The following KAZN variants were observed in gnomAD, a reference collection of about 807,000 sequenced individuals.
KAZN encodes kazrin.
In KAZN, 40 loss-of-function variants were observed where a neutral mutation model predicts 87.4. The observed-to-expected ratio is 0.46, with a 90% confidence interval of 0.36 to 0.60. KAZN has a LOEUF of 0.60. Among genes scored for constraint, KAZN ranks in the 20% least tolerant of loss-of-function variants. The probability of loss-of-function intolerance (pLI) is 0.00; values close to 1 mark genes in which losing one functional copy is unlikely to be tolerated. For missense variants in KAZN, 898 were observed against 1,073.9 expected, an observed-to-expected ratio of 0.84 and a Z score of 2.29; for synonymous variants, 466 against 458.3, an observed-to-expected ratio of 1.02 and a Z score of -0.22.
chr1:14,624,723 G>A (rs143989926), intron 1 of KAZN, among the ~76,000 whole-genome samples: 1 of 152,284 alleles, frequency 6.6e-6, no homozygotes, highest in East Asian at 1.9e-4. Flanking sequence ...CTTTCAGTGT[G>A]CCAAGTCATG....
At chr1:14,472,575 A>G (rs1463137980) in intron 2 of KAZN, among the ~76,000 whole-genome samples, 1 of 151,980 alleles carries the variant, frequency 6.6e-6, no homozygotes, top group Non-Finnish European at 1.5e-5. Context: ...GTGTTATTCC[A>G]CACATACCTG....
chr1:14,669,272 G>A (rs1315781405), intron 1 of KAZN, among the ~76,000 whole-genome samples: 1 of 152,148 alleles, frequency 6.6e-6, no homozygotes, highest in Admixed American at 6.5e-5. Flanking sequence ...TTTCCTGTGA[G>A]CTGGCTGAGT....
At chr1:14,357,715 C>A (rs190104605) in intron 2 of KAZN, among the ~76,000 whole-genome samples, 53 of 152,086 alleles carry the variant, frequency 3.5e-4, no homozygotes, top group African/African-American at 1.1e-3. Context: ...GTTTATGTGA[C>A]GGATTACATT....
intron 1 of KAZN, among the ~76,000 whole-genome samples, chr1:14,760,281 T>C (rs1245814743): frequency 3.3e-5 from 5 of 152,226 alleles, no homozygotes; most frequent in African/African-American, 1.2e-4. Context: ...GCCCCCAAGA[T>C]AGTAGACTGG....
At chr1:14,328,748 GAAA>G (rs3084955) in intron 2 of KAZN, among the ~76,000 whole-genome samples, 12,011 of 56,342 alleles carry the variant, frequency 0.21, 683 homozygotes, top group African/African-American at 0.25. Flanking sequence ...ATCCCTAACT[GAAA>G]AAAAAAAAAA....
chr1:14,353,555 A>G (rs1472452795), intron 2 of KAZN, among the ~76,000 whole-genome samples: 1 of 152,172 alleles, frequency 6.6e-6, no homozygotes, highest in African/African-American at 2.4e-5. Context: ...GAAGGGATCT[A>G]CCAAAAACTC....
At chr1:14,988,942 C>G (rs1239108067) in intron 2 of KAZN, among the ~76,000 whole-genome samples, 1 of 152,244 alleles carries the variant, frequency 6.6e-6, no homozygotes, top group Non-Finnish European at 1.5e-5. Flanking sequence ...GGTCCTCGCA[C>G]ATGACCTTGT....
chr1:13,959,053 C>G (rs866735807), intron 1 of KAZN, among the ~76,000 whole-genome samples: 1 of 152,178 alleles, frequency 6.6e-6, no homozygotes, highest in Non-Finnish European at 1.5e-5. Context: ...CTCCCACCAT[C>G]ATGAATCTCA....
chr1:14,376,774 G>A (rs866517077), intron 2 of KAZN, among the ~76,000 whole-genome samples: 5 of 152,154 alleles, frequency 3.3e-5, no homozygotes, highest in Non-Finnish European at 7.3e-5. Context: ...TAACCCAGAT[G>A]AAACATATAG....
rs534730786 is a variant in KAZN at position 14,182,676 on chromosome 1, C to T, written c.249+2084C>T. Among the ~76,000 whole-genome samples, 107 of 152,066 alleles carry T rather than the reference C, an allele frequency of 7.0e-4. 1 individual carries two copies. The highest frequency in any genetic ancestry group is 1.9e-3 in the African/African-American group (79 of 41,462). ...GTGATTTTGAGTTTTGAAGTAGACA[C>T]GTAAAAATATGTCATTTTTAAAAAA... On this transcript the variant is annotated intron_variant, in intron 2 of 16. Coordinates refer to the KAZN transcript ENST00000636203.
At chr1:14,603,495 A>G (rs2148604985) in intron 1 of KAZN, among the ~76,000 whole-genome samples, 1 of 152,288 alleles carries the variant, frequency 6.6e-6, no homozygotes, top group African/African-American at 2.4e-5. Flanking sequence ...GAAATTACTT[A>G]TTGATTGGGG....
chr1:14,591,169 G>A (rs1676172534), intron 2 of KAZN, among the ~76,000 whole-genome samples: 1 of 144,970 alleles, frequency 6.9e-6, no homozygotes, highest in Non-Finnish European at 1.5e-5. Context: ...AAATCAAATA[G>A]TGCCCCCCCC....
intron 1 of KAZN, among the ~76,000 whole-genome samples, chr1:14,099,160 A>G (rs773273533): frequency 6.6e-6 from 1 of 152,108 alleles, no homozygotes; most frequent in Non-Finnish European, 1.5e-5. Flanking sequence ...GGAGGGGAAT[A>G]AGGAATCAGG....
intron 2 of KAZN, among the ~76,000 whole-genome samples, chr1:14,397,900 G>C (rs1026613575): frequency 6.7e-6 from 1 of 150,238 alleles, no homozygotes; most frequent in Non-Finnish European, 1.5e-5. Flanking sequence ...GGAAGGATGT[G>C]CCTGTTCTGA....
chr1:14,212,807 T>C (rs1646882838), intron 2 of KAZN, among the ~76,000 whole-genome samples: 1 of 152,190 alleles, frequency 6.6e-6, no homozygotes. Flanking sequence ...CCTCAAAAGC[T>C]TTCTGAAAAC....
intron 2 of KAZN, among the ~76,000 whole-genome samples, chr1:14,263,098 C>T (rs552398877): frequency 9.6e-4 from 146 of 152,218 alleles, no homozygotes; most frequent in African/African-American, 3.4e-3. Context: ...GAGATTTTAG[C>T]GGGAACCCAA....
chr1:14,284,110 G>C (rs1653056629), intron 2 of KAZN, among the ~76,000 whole-genome samples: 1 of 151,970 alleles, frequency 6.6e-6, no homozygotes, highest in African/African-American at 2.4e-5. Context: ...TGGGAGATCG[G>C]GGCTGGGGGG....
At chr1:14,839,699 A>G (rs980531583) in intron 1 of KAZN, among the ~76,000 whole-genome samples, 2 of 151,960 alleles carry the variant, frequency 1.3e-5, no homozygotes, top group Non-Finnish European at 2.9e-5. Flanking sequence ...CCTCAGCTAG[A>G]TTGTATCTTT....
chr1:14,748,028 G>A (rs1459068167), intron 1 of KAZN, among the ~76,000 whole-genome samples: 1 of 152,184 alleles, frequency 6.6e-6, no homozygotes, highest in Non-Finnish European at 1.5e-5. Flanking sequence ...ATAGAGTGGT[G>A]TTGAGATGAC....
Sources: gnomAD v4.1 joint callset for allele counts (sites outside exome capture counted in the v4.1 genomes callset) on GRCh38, gnomAD v4.1.1 for gene constraint, MANE v1.5 for transcripts, NCBI Gene and HGNC (gene_info 2026-07-23, HGNC 2026-07-21) for gene names.